DNM3: variants seen among roughly 807,000 people sequenced by gnomAD.
The protein encoded by DNM3 is dynamin 3, also known as dynamin-3.
In DNM3, 47 loss-of-function variants were observed where a neutral mutation model predicts 101.6. The ratio of observed to expected loss-of-function variants is 0.46; its 90% confidence interval spans 0.37 to 0.59. The LOEUF is 0.59. Among genes scored for constraint, DNM3 ranks in the 20% least tolerant of loss-of-function variants. The pLI is 0.00. For missense variants in DNM3, 849 were observed against 1,085.7 expected, an observed-to-expected ratio of 0.78 and a Z score of 3.06; for synonymous variants, 385 against 387.9, an observed-to-expected ratio of 0.99 and a Z score of 0.09.
At chr1:172,369,419 CA>C (rs2068204465) in intron 17 of DNM3, among the ~76,000 whole-genome samples, 1 of 151,918 alleles carries the variant, frequency 6.6e-6, no homozygotes, top group Non-Finnish European at 1.5e-5. Context: ...TTACAAAATT[CA>C]ACATCACTTC....
At chr1:172,161,071 G>A (rs1390787525) in intron 14 of DNM3, among the ~76,000 whole-genome samples, 2 of 151,906 alleles carry the variant, frequency 1.3e-5, no homozygotes, top group East Asian at 3.9e-4. Context: ...ACTTTGGTCC[G>A]ATGGCTGGAT....
rs115482562 is a variant in DNM3, at chr1:171,971,159, T to C, written c.236-16497T>C. Among the ~76,000 whole-genome samples the C allele has an allele frequency of 8.7e-3, 1,328 of 152,234 alleles. 24 individuals carry two copies. Among genetic ancestry groups the C allele is most frequent in the African/African-American group, 0.03 (1,256 of 41,576 alleles). Reference sequence around the variant, plus strand: ...CACATTTTTATTTTTAAAAATTTGGTATGTGTTCTTATTTGCCCAGCCGTA... The same window carrying C: ...CACATTTTTATTTTTAAAAATTTGGCATGTGTTCTTATTTGCCCAGCCGTA... On this transcript the variant is annotated intron_variant, in intron 2 of 20. Transcript: ENST00000627582.
chr1:172,164,688 A>G (rs957674126), intron 14 of DNM3, among the ~76,000 whole-genome samples: 1 of 151,980 alleles, frequency 6.6e-6, no homozygotes, highest in African/African-American at 2.4e-5. Flanking sequence ...GACGGTGTAA[A>G]CCAGAGGGAC....
intron 17 of DNM3, among the ~76,000 whole-genome samples, chr1:172,350,316 TTG>T (rs5778730): frequency 0.58 from 85,870 of 147,830 alleles, 25,240 homozygotes; most frequent in African/African-American, 0.73. Flanking sequence ...CCATTTTATC[TTG>T]TGTGTGTGTG....
At chr1:171,869,075 G>C (rs900080564) in intron 1 of DNM3, among the ~76,000 whole-genome samples, 1 of 152,226 alleles carries the variant, frequency 6.6e-6, no homozygotes, top group Non-Finnish European at 1.5e-5. Context: ...TAGCCACTGT[G>C]CCTGGCTTGT....
At chr1:172,172,672 G>A in intron 14 of DNM3, among the ~76,000 whole-genome samples, 1 of 151,708 alleles carries the variant, frequency 6.6e-6, no homozygotes, top group Non-Finnish European at 1.5e-5. Context: ...GTGACCAATA[G>A]AGAAGGGTAC....
rs2071025574 is a variant in DNM3 at position 172,408,174 on chromosome 1, C to T, written c.*333C>T. On this transcript the variant is annotated 3_prime_UTR_variant, in exon 21 of 21. Transcript: ENST00000627582. ...GTTTTCTAGGCTATCTACCAGGTAG[C>T]TCATTAAACGTAATTCTTCAGATAT... 3 of 1,098,502 alleles carry T rather than the reference C, an allele frequency of 2.7e-6. No homozygotes were observed. The highest frequency in any genetic ancestry group is 3.3e-6 in the Non-Finnish European group (3 of 898,920). 68.0% of individuals were successfully genotyped at this position (1,098,502 alleles called of 1,614,324 possible).
chr1:172,151,869 G>T (rs146213495), intron 14 of DNM3, among the ~76,000 whole-genome samples: 129 of 152,068 alleles, frequency 8.5e-4, no homozygotes, highest in African/African-American at 2.9e-3. Context: ...AGGATAAGTG[G>T]TATAAAAGGA....
intron 18 of DNM3, among the ~76,000 whole-genome samples, chr1:172,379,758 C>T (rs1573667276): frequency 6.6e-6 from 1 of 151,978 alleles, no homozygotes; most frequent in African/African-American, 2.4e-5. Flanking sequence ...TCCTGCTTGA[C>T]TAGCCATCAA....
At chr1:172,372,927 A>G (rs1437978030) in intron 17 of DNM3, among the ~76,000 whole-genome samples, 1 of 151,796 alleles carries the variant, frequency 6.6e-6, no homozygotes, top group Non-Finnish European at 1.5e-5. Context: ...CAAGTGATCT[A>G]CCCACCTTGG....
At chr1:171,886,767 A>G (rs1263110088) in intron 1 of DNM3, among the ~76,000 whole-genome samples, 2 of 152,202 alleles carry the variant, frequency 1.3e-5, no homozygotes, top group African/African-American at 4.8e-5. Flanking sequence ...GTAGTGAACA[A>G]GTGTCTAGTA....
chr1:171,989,465 C>T (rs2045494575), intron 4 of DNM3, among the ~76,000 whole-genome samples: 4 of 151,940 alleles, frequency 2.6e-5, no homozygotes, highest in Admixed American at 6.6e-5. Context: ...GTAAAATAAA[C>T]TTCTGGTACA....
chr1:172,260,270 T>G (rs2062587580), intron 15 of DNM3, among the ~76,000 whole-genome samples: 1 of 152,102 alleles, frequency 6.6e-6, no homozygotes, highest in African/African-American at 2.4e-5. Flanking sequence ...TCTTTGTCTT[T>G]GATTTTTGAG....
At chr1:172,202,845 T>G (rs2060199658) in intron 14 of DNM3, among the ~76,000 whole-genome samples, 1 of 152,198 alleles carries the variant, frequency 6.6e-6, no homozygotes, top group African/African-American at 2.4e-5. Context: ...GACAATTTAC[T>G]GCTTGAGAAA....
At chr1:171,952,345 G>C (rs1467729363) in intron 2 of DNM3, among the ~76,000 whole-genome samples, 1 of 152,152 alleles carries the variant, frequency 6.6e-6, no homozygotes, top group Non-Finnish European at 1.5e-5. Context: ...TTTTCTTTAG[G>C]ATCTGCTATC....
chr1:171,859,917 C>T (rs2033997720), intron 1 of DNM3, among the ~76,000 whole-genome samples: 1 of 152,064 alleles, frequency 6.6e-6, no homozygotes. Flanking sequence ...TCACAGAAGT[C>T]TGTGTGTTGG....
At chr1:172,008,190 A>G (rs568362048) in intron 4 of DNM3, among the ~76,000 whole-genome samples, 1 of 151,634 alleles carries the variant, frequency 6.6e-6, no homozygotes, top group East Asian at 1.9e-4. Context: ...CGGTATGCAG[A>G]AGTTTTTTAG....
chr1:172,399,491 G>C (rs1445198499), intron 20 of DNM3, among the ~76,000 whole-genome samples: 2 of 152,138 alleles, frequency 1.3e-5, no homozygotes, highest in Non-Finnish European at 2.9e-5. Flanking sequence ...GGAGGCTCGT[G>C]GAAGGGAGGA....
In DNM3 at chr1:171,990,830, A is replaced by G. The variant is rs745700666; in HGVS notation, c.589+1682A>G. On this transcript the variant is annotated intron_variant, in intron 4 of 20. Coordinates refer to ENST00000627582, the MANE Select transcript of DNM3 (RefSeq NM_015569.5). The stretch of plus-strand genomic sequence containing the variant: ...ATCCCTGAAACTGGGGCTTGTAACA[A>G]GCAGGTAGAGGCTCCAGATGACAAG... 1.0e-3 allele frequency among the ~76,000 whole-genome samples: 153 copies of G among 152,218 alleles called. 2 individuals carry two copies. Among genetic ancestry groups the G allele is most frequent in the Non-Finnish European group, 5.9e-4 (40 of 68,008 alleles).
Sources: gnomAD v4.1 joint callset for allele counts (sites outside exome capture counted in the v4.1 genomes callset) on GRCh38, gnomAD v4.1.1 for gene constraint, MANE v1.5 for transcripts, NCBI Gene and HGNC (gene_info 2026-07-23, HGNC 2026-07-21) for gene names.